Variants in URM1 observed in about 807,000 individuals in gnomAD.
The protein encoded by URM1 is ubiquitin-related modifier 1.
A neutral mutation model predicts 17.7 loss-of-function variants in URM1; 11 were observed. The ratio of observed to expected loss-of-function variants is 0.62; its 90% confidence interval spans 0.39 to 1.03. The LOEUF is 1.03. Among genes scored for constraint, URM1 ranks in the 50% least tolerant of loss-of-function variants. The pLI is 0.00. For synonymous variants in URM1, 48 were observed against 50.6 expected (o/e 0.95, Z 0.22); for missense variants, 128 against 129.2 (o/e 0.99, Z 0.04).
chr9:128,385,971 T>C (rs1833221692), intron 2 of URM1, among the ~76,000 whole-genome samples: 1 of 152,136 alleles, frequency 6.6e-6, no homozygotes, highest in African/African-American at 2.4e-5. Context: ...CCCCAGCTTG[T>C]CCCTCTGGGA....
intron 3 of URM1, chr9:128,389,049 C>T: frequency 7.4e-7 from 1 of 1,354,614 alleles, no homozygotes; most frequent in African/African-American, 1.5e-5. Context: ...CATTTGCACC[C>T]ATTTTCCATC....
intron 2 of URM1, among the ~76,000 whole-genome samples, chr9:128,385,299 C>T (rs1351431778): frequency 2.0e-5 from 3 of 152,146 alleles, no homozygotes; most frequent in Non-Finnish European, 2.9e-5. Context: ...TCTCCTGATC[C>T]CAGATGAAGG....
At position 128,389,325 on chromosome 9, in the gene URM1, G is replaced by GT. The variant is rs1301402028; in HGVS notation, c.237+16_237+17insT. Reference sequence around the variant, plus strand: ...GGAGCTACTGGTCAGTACCTTGGGGGACATCCCTCCCCCAGCCCCTGCCCT... The same window carrying GT: ...GGAGCTACTGGTCAGTACCTTGGGGGTACATCCCTCCCCCAGCCCCTGCCCT... On this transcript the variant is annotated intron_variant, in intron 4 of 4. Coordinates refer to ENST00000372853, the MANE Select transcript of URM1 (RefSeq NM_030914.4). The GT allele has an allele frequency of 6.2e-7, 1 of 1,613,876 alleles. No homozygotes were observed. Among genetic ancestry groups the GT allele is most frequent in the Admixed American group, 1.7e-5 (1 of 60,012 alleles).
At chr9:128,388,069 T>A (rs1218606958) in intron 3 of URM1, 172 bp downstream of exon 3, 1 of 1,351,080 alleles carries the variant, frequency 7.4e-7, no homozygotes, top group Non-Finnish European at 9.5e-7. Context: ...AACCGAACTC[T>A]TGAGGATTTT....
chr9:128,383,168 A>C (rs1833181696), intron 2 of URM1, among the ~76,000 whole-genome samples: 2 of 147,794 alleles, frequency 1.4e-5, no homozygotes, highest in East Asian at 2.0e-4. Flanking sequence ...TCCCCTCTCC[A>C]CCTCCCTCCT....
intron 2 of URM1, 38 bp downstream of exon 2, chr9:128,378,144 T>C: frequency 2.7e-6 from 4 of 1,489,428 alleles, no homozygotes; most frequent in Non-Finnish European, 3.7e-6. Flanking sequence ...CTTGGGGCCA[T>C]TGAACAGGAG....
Position 128,387,334 on chromosome 9 carries a change from TCACAAAGGGAAA to T in URM1, c.107-481_107-470del, listed in dbSNP as rs1227607706. Among the ~76,000 whole-genome samples, 1 of 152,132 alleles carries T rather than the reference TCACAAAGGGAAA, an allele frequency of 6.6e-6. No individual in the cohort carries two copies. The highest frequency in any genetic ancestry group is 1.5e-5 in the Non-Finnish European group (1 of 68,018). ...CAGCTCAGCAATTGTTTTTTTCCCC[TCACAAAGGGAAA>T]TATATGCAGACCCCTCCAAGAGCAA... On this transcript the variant is annotated intron_variant, in intron 2 of 4. Transcript: ENST00000372853. The surrounding 1 kb of genome is among the most constrained non-coding windows in gnomAD (Gnocchi z 4.3).
rs776227551 is a variant in URM1 at position 128,371,406 on chromosome 9, T to G, written c.26T>G (p.Val9Gly). The G allele has an allele frequency of 5.0e-6, 8 of 1,611,930 alleles. No homozygotes were observed. The highest frequency in any genetic ancestry group is 4.5e-5 in the East Asian group (2 of 44,702). The change falls in exon 1 of 5, where the codon GTG becomes GGG. Residue 9 changes from valine to glycine, a missense_variant. Physicochemically the swap from Val to Gly is moderately radical, Grantham distance 109. Transcript: ENST00000372853. MAAPLSVE[V>G]EFGGGAELLF... ...ATGGCTGCGCCCTTGTCAGTGGAGG[T>G]GGAGTTCGGGTGAGTCACAGAGCTG... is the stretch of plus-strand genomic sequence containing the variant.
chr9:128,373,913 C>T (rs1189900795), intron 1 of URM1, among the ~76,000 whole-genome samples: 1 of 152,032 alleles, frequency 6.6e-6, no homozygotes, highest in Non-Finnish European at 1.5e-5. Flanking sequence ...TATATATATA[C>T]GTGTATATGT....
At position 128,378,095 on chromosome 9, in the gene URM1, A is replaced by C; in HGVS notation, c.95A>C (p.Gln32Pro). ...IKKHRVTLPG[Q>P]EEPWDIRNLL... ...AAACATCGAGTCACTTTGCCTGGAC[A>C]GGAGGAACCCTGTGAGTATTGGCTT... The change falls in exon 2 of 5, where the codon CAG becomes CCG. Residue 32 changes from glutamine to proline, a missense_variant. Transcript: ENST00000372853. 1 of 1,608,728 alleles carries C rather than the reference A, an allele frequency of 6.2e-7. No individual in the cohort carries two copies. Among genetic ancestry groups the C allele is most frequent in the Non-Finnish European group, 8.5e-7 (1 of 1,177,520 alleles).
intron 1 of URM1, among the ~76,000 whole-genome samples, chr9:128,373,407 G>A (rs542678576): frequency 3.4e-4 from 52 of 151,990 alleles, no homozygotes; most frequent in African/African-American, 1.1e-3. Context: ...AGGCTAACAC[G>A]CCCTTCATTT....
chr9:128,389,472 G>T lies in URM1; in HGVS notation c.237+163G>T, dbSNP rs569756390. On this transcript the variant is annotated intron_variant, in intron 4 of 4. Coordinates refer to ENST00000372853, the MANE Select transcript of URM1 (RefSeq NM_030914.4). ...GGAGTCTCCCACTCCAGGTGAGGAA[G>T]GGATGGGTAGCTGGGGACATGGGAG... 280 of 1,564,428 alleles carry T rather than the reference G, an allele frequency of 1.8e-4. 7 individuals carry two copies. The South Asian group carries it at 3.0e-3, about 17-fold the overall frequency.
At chr9:128,373,811 A>G (rs1026436944) in intron 1 of URM1, among the ~76,000 whole-genome samples, 1 of 152,218 alleles carries the variant, frequency 6.6e-6, no homozygotes, top group Non-Finnish European at 1.5e-5. Context: ...CCTTTCCTTT[A>G]GCAGATATTT....
intron 2 of URM1, among the ~76,000 whole-genome samples, chr9:128,384,625 G>C (rs1258432664): frequency 6.6e-6 from 1 of 152,302 alleles, no homozygotes; most frequent in East Asian, 1.9e-4. Context: ...AGAGCGTGCA[G>C]AAACCCAGAG....
At chr9:128,383,521 T>G (rs1194045050) in intron 2 of URM1, among the ~76,000 whole-genome samples, 1 of 152,172 alleles carries the variant, frequency 6.6e-6, no homozygotes, top group Non-Finnish European at 1.5e-5. Flanking sequence ...GATCCTTTCT[T>G]CCAAATCTGA....
At chr9:128,388,710 C>G in intron 3 of URM1, 1 of 986,428 alleles carries the variant, frequency 1.0e-6, no homozygotes, top group Non-Finnish European at 1.2e-6. Context: ...CTGCCTTATG[C>G]CAGGCAGGAC....
chr9:128,387,758 G>A lies in URM1; in HGVS notation c.107-58G>A. ...TCCTTGTGGGCCAGGCAAGGCTCTG[G>A]GGGTGGGCAGGTGCTATTTGGGTTT... On this transcript the variant is annotated intron_variant, in intron 2 of 4. Transcript: ENST00000372853. This position sits in a 1 kb window ranked among gnomAD's most constrained non-coding sequence, Gnocchi z 4.3. 3 of 1,611,144 alleles carry A rather than the reference G, an allele frequency of 1.9e-6. No homozygotes were observed. The highest frequency in any genetic ancestry group is 2.5e-6 in the Non-Finnish European group (3 of 1,177,988).
chr9:128,389,589 C>T (rs920895329), intron 4 of URM1, 77 bp from the exon 5 acceptor site: 28 of 1,599,198 alleles, frequency 1.8e-5, no homozygotes, highest in Non-Finnish European at 2.1e-5. Context: ...AGTCCTCAGC[C>T]CCTGTTCTCC....
chr9:128,378,622 A>C (rs1181961723), intron 2 of URM1, among the ~76,000 whole-genome samples: 1 of 150,984 alleles, frequency 6.6e-6, no homozygotes, highest in African/African-American at 2.4e-5. Flanking sequence ...TCTGTGTAGC[A>C]GACCATGTGC....
Sources: allele counts gnomAD v4.1 joint callset (sites outside exome capture counted in the v4.1 genomes callset), GRCh38; gene constraint gnomAD v4.1.1; non-coding constraint Gnocchi (gnomAD v3.1); transcripts MANE v1.5; gene names NCBI Gene and HGNC (gene_info 2026-07-23, HGNC 2026-07-21).